Variants in MPPED1 observed in about 807,000 individuals in gnomAD.
MPPED1 encodes the protein metallophosphoesterase domain containing 1, also known as metallophosphoesterase domain-containing protein 1.
In MPPED1, 16 loss-of-function variants were observed where a neutral mutation model predicts 36.2. The ratio of observed to expected loss-of-function variants is 0.44; its 90% CI spans 0.30 to 0.67. The LOEUF (loss-of-function observed/expected upper bound fraction) is 0.67. Ranked by LOEUF, MPPED1 falls within the 30% of genes least tolerant of loss-of-function variation. The pLI, the probability that MPPED1 is intolerant of heterozygous loss-of-function variation, is 0.10. For missense variants in MPPED1, 307 were observed against 453.4 expected (o/e 0.68, Z 2.93); for synonymous variants, 199 against 191.3 (o/e 1.04, Z -0.33).
At chr22:43,430,868 G>A (rs1929653424) in intron 2 of MPPED1, among the ~76,000 whole-genome samples, 1 of 151,920 alleles carries the variant, frequency 6.6e-6, no homozygotes, top group African/African-American at 2.4e-5. Context: ...CATTGTCATT[G>A]CAAGTATCAG....
At chr22:43,469,247 G>A (rs532772766) in intron 3 of MPPED1, among the ~76,000 whole-genome samples, 1 of 152,312 alleles carries the variant, frequency 6.6e-6, no homozygotes, top group South Asian at 2.1e-4. Context: ...GCAGGAAAGG[G>A]CAAAGAGAAC....
intron 3 of MPPED1, among the ~76,000 whole-genome samples, chr22:43,444,484 A>C (rs1238515299): frequency 6.7e-6 from 1 of 148,532 alleles, no homozygotes; most frequent in Non-Finnish European, 1.5e-5. Context: ...CTCCTGCCTC[A>C]GCCTCCCGAG....
chr22:43,424,546 C>T (rs2146818764), intron 1 of MPPED1, among the ~76,000 whole-genome samples: 1 of 152,150 alleles, frequency 6.6e-6, no homozygotes, highest in East Asian at 1.9e-4. Flanking sequence ...TACAAAATAC[C>T]AGCCATTGTC....
chr22:43,434,378 C>G (rs1427795338), intron 2 of MPPED1, among the ~76,000 whole-genome samples: 1 of 152,186 alleles, frequency 6.6e-6, no homozygotes, highest in Non-Finnish European at 1.5e-5. Flanking sequence ...CTGAAACTCC[C>G]CCTCCCGTGC....
intron 4 of MPPED1, 68 bp from the exon 5 acceptor site, chr22:43,498,167 T>G: frequency 7.8e-7 from 1 of 1,289,404 alleles, no homozygotes; most frequent in Non-Finnish European, 1.1e-6. Context: ...CGTGGGGAGC[T>G]CCGCATTCCC....
chr22:43,497,935 G>GTATATATA (rs753427064), intron 4 of MPPED1, among the ~76,000 whole-genome samples: 6 of 128,378 alleles, frequency 4.7e-5, no homozygotes, highest in Admixed American at 1.5e-4. Context: ...ATATGTATAT[G>GTATATATA]TATATATATA....
intron 4 of MPPED1, among the ~76,000 whole-genome samples, chr22:43,493,031 C>T (rs775895175): frequency 6.6e-5 from 10 of 152,212 alleles, no homozygotes; most frequent in Non-Finnish European, 1.5e-4. Context: ...GTCTCCTGGG[C>T]TGGTGTCTGA....
intron 4 of MPPED1, among the ~76,000 whole-genome samples, chr22:43,488,132 C>T (rs983574305): frequency 5.3e-5 from 8 of 152,030 alleles, no homozygotes; most frequent in African/African-American, 1.9e-4. Context: ...CTGGAGAGGC[C>T]GTGGGCACTG....
rs79505222 is a variant in MPPED1 at position 43,466,249 on chromosome 22, C to T, written c.407-8487C>T. On this transcript the variant is annotated intron_variant, in intron 3 of 6. Transcript: ENST00000443721. Reference sequence around the variant, plus strand: ...AATCCAGCAGCCTCCCATGAGGACCCGTGGAGGCTGGATGAGGCCAGGGGG... The same window carrying T: ...AATCCAGCAGCCTCCCATGAGGACCTGTGGAGGCTGGATGAGGCCAGGGGG... 1.8e-4 allele frequency among the ~76,000 whole-genome samples: 27 copies of T among 152,284 alleles called. 1 individual carries two copies. The highest frequency in any genetic ancestry group is 5.1e-4 in the African/African-American group (21 of 41,558).
At chr22:43,491,480 G>A (rs369905436) in intron 4 of MPPED1, among the ~76,000 whole-genome samples, 146,942 of 147,270 alleles carry the variant, frequency 1, 73,307 homozygotes, top group Admixed American at 1. Context: ...TGGTGGTGGT[G>A]GTGATGGAGG....
intron 3 of MPPED1, among the ~76,000 whole-genome samples, chr22:43,446,887 A>C (rs866334856): frequency 6.6e-6 from 1 of 152,208 alleles, no homozygotes; most frequent in African/African-American, 2.4e-5. Flanking sequence ...AAATCAAGCA[A>C]GACTTCCACT....
intron 1 of MPPED1, among the ~76,000 whole-genome samples, chr22:43,415,586 A>G (rs7286402): frequency 0.22 from 33,427 of 152,104 alleles, 4,990 homozygotes; most frequent in East Asian, 0.62. Flanking sequence ...AGGCCTTTTC[A>G]TGAATTACTC....
chr22:43,459,166 C>T (rs1260235435), intron 3 of MPPED1, among the ~76,000 whole-genome samples: 1 of 152,064 alleles, frequency 6.6e-6, no homozygotes, highest in Non-Finnish European at 1.5e-5. Flanking sequence ...CCTCTGCCTC[C>T]CAGGTTAAAG....
intron 3 of MPPED1, among the ~76,000 whole-genome samples, chr22:43,464,628 G>C (rs1378033602): frequency 6.6e-6 from 1 of 152,106 alleles, no homozygotes; most frequent in Non-Finnish European, 1.5e-5. Flanking sequence ...TGGGTGCAAG[G>C]TGGGAGGGGC....
At chr22:43,499,312 A>AGT (rs1306038135) in intron 5 of MPPED1, among the ~76,000 whole-genome samples, 1 of 81,690 alleles carries the variant, frequency 1.2e-5, no homozygotes, top group Non-Finnish European at 2.6e-5. Context: ...GTGGTGATAG[A>AGT]AGTGGTGACG....
intron 4 of MPPED1, among the ~76,000 whole-genome samples, chr22:43,492,624 C>T (rs4073874): frequency 0.12 from 17,692 of 152,194 alleles, 1,745 homozygotes; most frequent in African/African-American, 0.26. Flanking sequence ...GGGGGCAGAT[C>T]CCCAGGCACA....
chr22:43,500,756 G>T (rs1461056543), intron 5 of MPPED1, among the ~76,000 whole-genome samples: 1 of 152,088 alleles, frequency 6.6e-6, no homozygotes, highest in African/African-American at 2.4e-5. Context: ...GGGCCCCCAG[G>T]CTGCAGGGTA....
At chr22:43,496,002 A>T (rs1220226751) in intron 4 of MPPED1, among the ~76,000 whole-genome samples, 7 of 53,490 alleles carry the variant, frequency 1.3e-4, no homozygotes, top group Admixed American at 2.3e-4. Context: ...GTGGTGGTGG[A>T]GATGGTGGTG....
At chr22:43,429,190 C>G (rs1329659658) in intron 2 of MPPED1, among the ~76,000 whole-genome samples, 3 of 152,154 alleles carry the variant, frequency 2.0e-5, no homozygotes, top group Admixed American at 2.0e-4. Context: ...TGGACACCCT[C>G]TCTACAGATG....
Sources: gnomAD v4.1 joint callset for allele counts (sites outside exome capture counted in the v4.1 genomes callset) on GRCh38, gnomAD v4.1.1 for gene constraint, MANE v1.5 for transcripts, NCBI Gene and HGNC (gene_info 2026-07-23, HGNC 2026-07-21) for gene names.